SAMD12: variants seen among roughly 807,000 people sequenced by gnomAD.
SAMD12 encodes the protein sterile alpha motif domain containing 12.
In SAMD12, 9 loss-of-function variants were observed where a neutral mutation model predicts 15.0. That is an observed-to-expected ratio of 0.60 (90% CI 0.36 to 1.05). The LOEUF is 1.05. Among genes scored for constraint, SAMD12 ranks in the 50% least tolerant of loss-of-function variants. SAMD12 has a pLI of 0.01. For missense variants in SAMD12, 230 were observed against 234.2 expected (o/e 0.98, Z 0.12); for synonymous variants, 86 against 90.1 (o/e 0.96, Z 0.25).
At chr8:118,352,423 C>T (rs186237036) in intron 4 of SAMD12, among the ~76,000 whole-genome samples, 124 of 151,916 alleles carry the variant, frequency 8.2e-4, no homozygotes, top group Non-Finnish European at 1.5e-3. Context: ...ATTAAAATTA[C>T]AAGAGCACAC....
intron 2 of SAMD12, among the ~76,000 whole-genome samples, chr8:118,532,410 G>C (rs1233438622): frequency 6.6e-6 from 1 of 151,176 alleles, no homozygotes; most frequent in Non-Finnish European, 1.5e-5. Flanking sequence ...TTTTTTTGTT[G>C]TGTCTCTGCC....
intron 2 of SAMD12, among the ~76,000 whole-genome samples, chr8:118,496,854 T>G (rs975998668): frequency 5.3e-5 from 8 of 149,882 alleles, no homozygotes; most frequent in African/African-American, 2.0e-4. Flanking sequence ...ATAAGGAACT[T>G]AAGCAAATTT....
chr8:118,389,189 A>T (rs2130746555), intron 3 of SAMD12, among the ~76,000 whole-genome samples: 1 of 152,380 alleles, frequency 6.6e-6, no homozygotes, highest in African/African-American at 2.4e-5. Context: ...TGGTTCTCAA[A>T]AAGTTAATCA....
At chr8:118,212,459 T>C (rs898756229) in intron 4 of SAMD12, among the ~76,000 whole-genome samples, 1 of 152,232 alleles carries the variant, frequency 6.6e-6, no homozygotes, top group Non-Finnish European at 1.5e-5. Context: ...ACAATTTCTA[T>C]GCCTTCTGGT....
chr8:118,531,669 A>G (rs1825688546), intron 2 of SAMD12, among the ~76,000 whole-genome samples: 1 of 152,102 alleles, frequency 6.6e-6, no homozygotes, highest in Admixed American at 6.6e-5. Context: ...ATTCTTAGGT[A>G]TCTTATTCTC....
At position 118,564,585 on chromosome 8, in the gene SAMD12, A is replaced by G. The variant is rs572220642; in HGVS notation, c.192+16130T>C. Among the ~76,000 whole-genome samples, 21 of 152,340 alleles carry G rather than the reference A, an allele frequency of 1.4e-4. No individual in the cohort carries two copies. The South Asian group carries it at 3.9e-3, about 29-fold the overall frequency. ...GAAAGTCATGATCAATACTGACTGGAGAGTAACAGTTAAGCATACCCATCT... is the reference window on the plus strand; with the variant it reads ...GAAAGTCATGATCAATACTGACTGGGGAGTAACAGTTAAGCATACCCATCT... On this transcript the variant is annotated intron_variant, in intron 2 of 3. Coordinates refer to ENST00000314727, the MANE Select transcript of SAMD12 (RefSeq NM_207506.3).
At chr8:118,206,017 T>C (rs1819853867) in intron 4 of SAMD12, among the ~76,000 whole-genome samples, 1 of 152,214 alleles carries the variant, frequency 6.6e-6, no homozygotes, top group South Asian at 2.1e-4. Flanking sequence ...AGAAACTGAC[T>C]CTGATTCCTG....
intron 4 of SAMD12, among the ~76,000 whole-genome samples, chr8:118,348,827 G>T (rs1178014459): frequency 6.6e-6 from 1 of 152,218 alleles, no homozygotes; most frequent in South Asian, 2.1e-4. Flanking sequence ...TAGCCTGAGG[G>T]AACCAGAACA....
At chr8:118,509,494 C>T (rs147685266) in intron 2 of SAMD12, among the ~76,000 whole-genome samples, 1 of 152,132 alleles carries the variant, frequency 6.6e-6, no homozygotes, top group South Asian at 2.1e-4. Context: ...CAGGCTTTGA[C>T]TCTGTGGGCA....
chr8:118,480,057 C>T (rs10955889), intron 2 of SAMD12, among the ~76,000 whole-genome samples: 62,904 of 152,162 alleles, frequency 0.41, 15,712 homozygotes, highest in Non-Finnish European at 0.53. Context: ...ATTAGGCATG[C>T]GCTTTTGGAA....
At chr8:118,544,390 G>A (rs1043750177) in intron 2 of SAMD12, among the ~76,000 whole-genome samples, 1 of 152,174 alleles carries the variant, frequency 6.6e-6, no homozygotes, top group African/African-American at 2.4e-5. Context: ...GGGAAGTGGG[G>A]AAAGCACATG....
intron 4 of SAMD12, among the ~76,000 whole-genome samples, chr8:118,314,657 A>C (rs1224252729): frequency 1.3e-5 from 2 of 152,142 alleles, no homozygotes; most frequent in Non-Finnish European, 2.9e-5. Flanking sequence ...TAACCTTTTG[A>C]AATTGGCTTT....
chr8:118,511,213 C>T (rs954405439), intron 2 of SAMD12, among the ~76,000 whole-genome samples: 1 of 152,094 alleles, frequency 6.6e-6, no homozygotes, highest in Non-Finnish European at 1.5e-5. Context: ...AATTTGGTTA[C>T]TTCCCTGGAA....
At chr8:118,387,366 T>C (rs145576466) in intron 3 of SAMD12, among the ~76,000 whole-genome samples, 3 of 152,250 alleles carry the variant, frequency 2.0e-5, no homozygotes, top group Non-Finnish European at 4.4e-5. Flanking sequence ...AATACATACA[T>C]AGGACTTTTG....
At chr8:118,399,756 T>C (rs62533396) in intron 3 of SAMD12, among the ~76,000 whole-genome samples, 31,234 of 152,148 alleles carry the variant, frequency 0.21, 3,437 homozygotes, top group South Asian at 0.26. Flanking sequence ...GCCTGCTTCA[T>C]GGGGAACCAA....
chr8:118,426,999 T>G lies in SAMD12; in HGVS notation c.322+12833A>C, dbSNP rs186239928. 2.8e-3 allele frequency among the ~76,000 whole-genome samples: 419 copies of G among 152,310 alleles called. 1 individual carries two copies. Among genetic ancestry groups the G allele is most frequent in the Non-Finnish European group, 4.5e-3 (305 of 68,032 alleles). Reference sequence around the variant, plus strand: ...CTGATGAAGACTCAGACGAGCAGAATCTCAAGGAGAAGAGAAGAGAGTATT... The same window carrying G: ...CTGATGAAGACTCAGACGAGCAGAAGCTCAAGGAGAAGAGAAGAGAGTATT... On this transcript the variant is annotated intron_variant, in intron 3 of 3. Transcript: ENST00000314727.
chr8:118,149,621 T>A, the SAMD12 span, among the ~76,000 whole-genome samples: 6 of 152,174 alleles, frequency 3.9e-5, no homozygotes, highest in Middle Eastern at 3.2e-3. Flanking sequence ...TTGTGTTATT[T>A]GGTGCATTGT....
chr8:118,336,966 G>A (rs994850170), intron 4 of SAMD12, among the ~76,000 whole-genome samples: 15 of 152,174 alleles, frequency 9.9e-5, no homozygotes, highest in Admixed American at 2.6e-4. Context: ...AACAATGAGA[G>A]CACTTGGACA....
chr8:118,337,769 C>A (rs143815825), intron 4 of SAMD12, among the ~76,000 whole-genome samples: 130 of 152,150 alleles, frequency 8.5e-4, no homozygotes, highest in African/African-American at 3.0e-3. Flanking sequence ...ATCCAAAGCT[C>A]AAGAGTAGTG....
Sources: gnomAD v4.1 joint callset for allele counts (sites outside exome capture counted in the v4.1 genomes callset) on GRCh38, gnomAD v4.1.1 for gene constraint, MANE v1.5 for transcripts, NCBI Gene and HGNC (gene_info 2026-07-23, HGNC 2026-07-21) for gene names.